Variants in SPPL2B observed in about 807,000 individuals in gnomAD.
SPPL2B encodes signal peptide peptidase-like 2B.
A neutral mutation model predicts 59.7 loss-of-function variants in SPPL2B; 39 were observed. That is an observed-to-expected ratio of 0.65 (90% confidence interval 0.51 to 0.85). The LOEUF (loss-of-function observed/expected upper bound fraction) is 0.85. Ranked by LOEUF, SPPL2B falls within the 40% of genes least tolerant of loss-of-function variation. The pLI is 0.00. For missense variants in SPPL2B, 865 were observed against 849.0 expected, an observed-to-expected ratio of 1.02 and a Z score of -0.23; for synonymous variants, 419 against 370.8, an observed-to-expected ratio of 1.13 and a Z score of -1.49.
rs780170702 is a variant in SPPL2B at position 2,340,993 on chromosome 19, G to A, written c.935G>A (p.Gly312Asp). 4 of 1,604,538 alleles carry A rather than the reference G, an allele frequency of 2.5e-6. No individual in the cohort carries two copies. The highest frequency in any genetic ancestry group is 1.1e-5 in the South Asian group (1 of 91,076). The change falls in exon 8 of 15, where the codon GGC becomes GAC. Residue 312 changes from glycine to aspartate, a missense_variant. Physicochemically the swap from Gly to Asp is moderately conservative, Grantham distance 94 (BLOSUM62 -1). Coordinates refer to ENST00000613503, the MANE Select transcript of SPPL2B (RefSeq NM_152988.3). ...TGCGTGGCCGTCAGCGTGGTGTGGGGCGTCTTCCGCAACGAGGACCAGTAA... is the reference window on the plus strand; with the variant it reads ...TGCGTGGCCGTCAGCGTGGTGTGGGACGTCTTCCGCAACGAGGACCAGTAA... ...LFCVAVSVVW[G>D]VFRNEDQWAW... is the part of the protein sequence containing the mutation.
intron 5 of SPPL2B, among the ~76,000 whole-genome samples, chr19:2,339,504 C>T (rs1489890535): frequency 6.6e-6 from 1 of 152,182 alleles, no homozygotes; most frequent in Non-Finnish European, 1.5e-5. Context: ...CCTCTTCCTG[C>T]TGAGCCGCCT....
At chr19:2,329,534 CT>C (rs1568424688) in intron 1 of SPPL2B, among the ~76,000 whole-genome samples, 2 of 152,316 alleles carry the variant, frequency 1.3e-5, no homozygotes, top group East Asian at 3.9e-4. Context: ...AATTCCAAAT[CT>C]TCCCTCTCTC....
In SPPL2B at chr19:2,351,593, C is replaced by T. The variant is rs200572908; in HGVS notation, c.1514C>T (p.Ala505Val). Reference protein sequence around the residue: ...LGVFWTGSGFAKVLPPSPWAP... With the variant: ...LGVFWTGSGFVKVLPPSPWAP... Reference sequence around the variant, plus strand: ...GTGTTCTGGACGGGCAGCGGCTTTGCGGTGAATACCAGTTTGCTCTGACTG... The same window carrying T: ...GTGTTCTGGACGGGCAGCGGCTTTGTGGTGAATACCAGTTTGCTCTGACTG... The change falls in exon 14 of 15, where the codon GCG becomes GTG. Residue 505 changes from alanine to valine, a missense_variant and splice_region_variant. By Grantham distance (64) the Ala-to-Val change is moderately conservative. Coordinates refer to ENST00000613503, the MANE Select transcript of SPPL2B (RefSeq NM_152988.3). The T allele has an allele frequency of 4.2e-4, 680 of 1,606,666 alleles. 6 individuals carry two copies. The highest frequency in any genetic ancestry group is 1.7e-4 in the Middle Eastern group (1 of 6,056).
intron 13 of SPPL2B, among the ~76,000 whole-genome samples, chr19:2,345,876 C>T (rs1007466295): frequency 2.7e-5 from 4 of 150,744 alleles, no homozygotes; most frequent in Non-Finnish European, 5.9e-5. Flanking sequence ...CCTCCGTCCC[C>T]GTCTTTCTCA....
intron 13 of SPPL2B, among the ~76,000 whole-genome samples, chr19:2,346,105 C>G (rs1599238103): frequency 6.6e-6 from 1 of 152,184 alleles, no homozygotes; most frequent in Non-Finnish European, 1.5e-5. Flanking sequence ...ATCTGTTGAC[C>G]CACATTGTTT....
In SPPL2B at chr19:2,340,967, C is replaced by G. The variant is rs751884683; in HGVS notation, c.909C>G (p.Phe303Leu). ...PQARMLLLAL[F>L]CVAVSVVWGV... ...CCCGTATGCTGCTCCTGGCGCTCTT[C>G]TGCGTGGCCGTCAGCGTGGTGTGGG... Residue 303 changes from phenylalanine to leucine, a missense_variant, in exon 8 of 15, where the codon TTC (phenylalanine) becomes TTG (leucine). By Grantham distance (22) the Phe-to-Leu change is conservative (BLOSUM62 0). Transcript: ENST00000613503. The G allele has an allele frequency of 9.3e-6, 15 of 1,604,734 alleles. No homozygotes were observed. In the East Asian group the frequency reaches 2.7e-4, roughly 29 times the overall value.
chr19:2,341,836 C>T (rs969874636), intron 8 of SPPL2B: 17 of 332,914 alleles, frequency 5.1e-5, no homozygotes, highest in South Asian at 2.0e-4. Context: ...CAGGGGCTCA[C>T]GCCTGGGATC....
At chr19:2,331,291 G>A (rs1285060710) in intron 1 of SPPL2B, among the ~76,000 whole-genome samples, 4 of 152,228 alleles carry the variant, frequency 2.6e-5, no homozygotes, top group Non-Finnish European at 5.9e-5. Flanking sequence ...ACTTGGAAGC[G>A]GGGTTTCTAA....
chr19:2,328,834 C>T, intron 1 of SPPL2B, 59 bp downstream of exon 1: 1 of 1,300,092 alleles, frequency 7.7e-7, no homozygotes, highest in Non-Finnish European at 9.8e-7. Flanking sequence ...CCTCTCTGTC[C>T]CCGGGCTACG....
Position 2,353,372 on chromosome 19 carries a change from T to G in SPPL2B, c.*163T>G. The G allele has an allele frequency of 3.4e-6, 3 of 870,264 alleles. No individual in the cohort carries two copies. The highest frequency in any genetic ancestry group is 3.6e-4 in the Middle Eastern group (1 of 2,770). The allele number at this position is 870,264 out of a possible 1,614,324, so 53.9% of individuals were successfully genotyped here. A position where few individuals can be genotyped will look rare whatever the true frequency, so the allele number is the denominator to read the frequency against. On this transcript the variant is annotated 3_prime_UTR_variant, in exon 15 of 15. Coordinates refer to ENST00000613503, the MANE Select transcript of SPPL2B (RefSeq NM_152988.3). Reference sequence around the variant, plus strand: ...CTCATCCTTGCCGAGACCCCTGCGGTCTGTGCCCGCGCCCAGCCCAGCTGC... The same window carrying G: ...CTCATCCTTGCCGAGACCCCTGCGGGCTGTGCCCGCGCCCAGCCCAGCTGC...
Position 2,341,029 on chromosome 19 carries a change from C to T in SPPL2B, c.956+15C>T, listed in dbSNP as rs760073233. ...AACGAGGACCAGTAAGTGCTGCTTC[C>T]CCCGGGCCCCGGCGGGCAGCGGAGT... On this transcript the variant is annotated intron_variant, in intron 8 of 14. Transcript: ENST00000613503. The T allele has an allele frequency of 1.7e-5, 27 of 1,586,386 alleles. No homozygotes were observed. Among genetic ancestry groups the T allele is most frequent in the Non-Finnish European group, 2.2e-5 (26 of 1,165,248 alleles).
chr19:2,341,462 A>C (rs1206034399), intron 8 of SPPL2B: 1 of 447,620 alleles, frequency 2.2e-6, no homozygotes, highest in Non-Finnish European at 4.5e-6. Context: ...TGGGGCAGGC[A>C]CTGCTCCCCC....
chr19:2,353,445 C>G lies in SPPL2B; in HGVS notation c.*236C>G, dbSNP rs1970042159. On this transcript the variant is annotated 3_prime_UTR_variant, in exon 15 of 15. Transcript: ENST00000613503. ...CCAGCTCGCCCGGCTGCCACAAGCTCTCTGCGGGTCCATCCTCCCCACCGG... is the reference window on the plus strand; with the variant it reads ...CCAGCTCGCCCGGCTGCCACAAGCTGTCTGCGGGTCCATCCTCCCCACCGG... The G allele has an allele frequency of 3.6e-6, 2 of 560,674 alleles. No homozygotes were observed. The highest frequency in any genetic ancestry group is 3.5e-5 in the Admixed American group (1 of 28,770). The allele number at this position is 560,674 out of a possible 1,614,324, so 34.7% of individuals were successfully genotyped here.
intron 8 of SPPL2B, chr19:2,342,320 G>A (rs1969105606): frequency 1.3e-5 from 2 of 152,370 alleles, no homozygotes; most frequent in Admixed American, 6.5e-5. Context: ...TGTGGACCCA[G>A]AGGTTCTTTG....
intron 8 of SPPL2B, 76 bp from the exon 9 acceptor site, chr19:2,343,135 G>A: frequency 1.7e-6 from 2 of 1,190,838 alleles, no homozygotes; most frequent in Non-Finnish European, 1.2e-6. Flanking sequence ...CAAGGGCCCT[G>A]TGTGGCTCGT....
intron 11 of SPPL2B, 31 bp from the exon 12 acceptor site, chr19:2,344,522 G>A: frequency 6.3e-7 from 1 of 1,591,826 alleles, no homozygotes; most frequent in African/African-American, 1.3e-5. Flanking sequence ...TGAGGGTCCT[G>A]GAGGACATTG....
intron 8 of SPPL2B, 149 bp from the exon 9 acceptor site, chr19:2,343,062 G>T (rs1969149957): frequency 1.5e-6 from 1 of 663,318 alleles, no homozygotes; most frequent in Non-Finnish European, 2.7e-6. Context: ...CCACAGGTCT[G>T]GGGTCCTCAG....
rs1455803703 is a variant in SPPL2B, at chr19:2,353,656, C to T, written c.*447C>T. The T allele has an allele frequency of 5.6e-6, 1 of 177,670 alleles. No homozygotes were observed. The allele number at this position is 177,670 out of a possible 1,614,324, so 11.0% of individuals were successfully genotyped here. On this transcript the variant is annotated 3_prime_UTR_variant, in exon 15 of 15. Coordinates refer to ENST00000613503, the MANE Select transcript of SPPL2B (RefSeq NM_152988.3). ...GGTGGAAGAGCAGCTTTCTGTCTCC[C>T]AGAAGGCATCGCTTTTCCCTCTTGA...
Position 2,349,047 on chromosome 19 carries a change from G to A in SPPL2B, c.1355-2387G>A, listed in dbSNP as rs866588888. 2.8e-4 allele frequency among the ~76,000 whole-genome samples: 17 copies of A among 61,466 alleles called. No individual in the cohort carries two copies. In the South Asian group the frequency reaches 4.0e-3, roughly 15 times the overall value. The allele number at this position is 61,466 out of a possible 152,430, so 40.3% of individuals were successfully genotyped here. A position where few individuals can be genotyped will look rare whatever the true frequency, so the allele number is the denominator to read the frequency against. The stretch of plus-strand genomic sequence containing the variant: ...TCTCTCTCTCCACACACACTCACGC[G>A]CTCTCATTCGCTTGATTCCGTTCTC... On this transcript the variant is annotated intron_variant, in intron 13 of 14. Coordinates refer to ENST00000613503, the MANE Select transcript of SPPL2B (RefSeq NM_152988.3).
Sources: allele counts gnomAD v4.1 joint callset (sites outside exome capture counted in the v4.1 genomes callset), GRCh38; gene constraint gnomAD v4.1.1; transcripts MANE v1.5; gene names NCBI Gene and HGNC (gene_info 2026-07-23, HGNC 2026-07-21).